RAB6B: variants seen among roughly 807,000 people sequenced by gnomAD.
RAB6B encodes RAB6B, member RAS oncogene family, also known as ras-related protein Rab-6B.
A neutral mutation model predicts 31.2 loss-of-function variants in RAB6B; 7 were observed. The observed-to-expected ratio is 0.22, with a 90% CI of 0.13 to 0.42. RAB6B has a LOEUF of 0.42. Ranked by LOEUF, RAB6B falls within the 10% of genes least tolerant of loss-of-function variation. The pLI is 1.00. For missense variants in RAB6B, 149 were observed against 280.6 expected, an observed-to-expected ratio of 0.53 and a Z score of 3.35; for synonymous variants, 105 against 104.9, an observed-to-expected ratio of 1.00 and a Z score of -0.01.
chr3:133,869,280 AGT>A (rs899681180), intron 1 of RAB6B, among the ~76,000 whole-genome samples: 7 of 152,238 alleles, frequency 4.6e-5, no homozygotes, highest in Admixed American at 6.5e-5. Flanking sequence ...GAAGCCAGAC[AGT>A]GTGTGAGGAA....
intron 1 of RAB6B, among the ~76,000 whole-genome samples, chr3:133,872,758 C>T (rs1447983320): frequency 1.3e-5 from 2 of 152,190 alleles, no homozygotes; most frequent in African/African-American, 4.8e-5. Context: ...CAAACCATCC[C>T]CCAAAAGACT....
chr3:133,883,141 T>G (rs1441474315), intron 1 of RAB6B, among the ~76,000 whole-genome samples: 2 of 152,106 alleles, frequency 1.3e-5, no homozygotes, highest in Non-Finnish European at 2.9e-5. Flanking sequence ...CCAGAGACAG[T>G]CTGGGAACTG....
intron 1 of RAB6B, among the ~76,000 whole-genome samples, chr3:133,876,550 C>A (rs1161034436): frequency 8.6e-5 from 13 of 151,654 alleles, no homozygotes; most frequent in Non-Finnish European, 1.9e-4. Context: ...AATTTGCTTA[C>A]AAAAAAAATC....
chr3:133,859,210 C>T (rs1023751810), intron 2 of RAB6B, among the ~76,000 whole-genome samples: 3 of 152,174 alleles, frequency 2.0e-5, no homozygotes, highest in African/African-American at 7.2e-5. Context: ...AATTCCTGGC[C>T]TCAAGCAATC....
At chr3:133,889,873 T>C (rs1172973663) in intron 1 of RAB6B, among the ~76,000 whole-genome samples, 1 of 152,240 alleles carries the variant, frequency 6.6e-6, no homozygotes. Context: ...AGTTTCTTTT[T>C]TCTTTGCTGG....
intron 2 of RAB6B, among the ~76,000 whole-genome samples, chr3:133,857,651 T>C (rs1339532694): frequency 1.3e-5 from 2 of 152,206 alleles, no homozygotes; most frequent in African/African-American, 4.8e-5. Context: ...TTTTTAGGGC[T>C]TTAGGAATCT....
At chr3:133,841,852 G>C (rs1935838139) in intron 2 of RAB6B, among the ~76,000 whole-genome samples, 189 bp from the exon 3 acceptor site, 1 of 152,214 alleles carries the variant, frequency 6.6e-6, no homozygotes, top group Non-Finnish European at 1.5e-5. Context: ...GGATCAAGCT[G>C]AGGAAAGATG....
intron 1 of RAB6B, 142 bp downstream of exon 1, chr3:133,895,255 C>A: frequency 1.1e-6 from 1 of 873,992 alleles, no homozygotes; most frequent in Non-Finnish European, 1.7e-6. Context: ...GACCCCGCCC[C>A]GACCTCCCCA....
At chr3:133,856,377 T>C (rs1346595462) in intron 2 of RAB6B, among the ~76,000 whole-genome samples, 2 of 152,040 alleles carry the variant, frequency 1.3e-5, no homozygotes, top group African/African-American at 2.4e-5. Flanking sequence ...CCATGGGTTC[T>C]CATCTTTGTA....
chr3:133,827,748 C>CCCCCCCA lies in RAB6B; in HGVS notation c.*1039_*1040insTGGGGGG. 6.3e-5 allele frequency: 1 copy of CCCCCCCA among 15,982 alleles called. No individual in the cohort carries two copies. The allele number at this position is 15,982 out of a possible 1,614,324, so 1.0% of individuals were successfully genotyped here. A position where few individuals can be genotyped will look rare whatever the true frequency, so the allele number is the denominator to read the frequency against. On this transcript the variant is annotated 3_prime_UTR_variant, in exon 8 of 8. Coordinates refer to ENST00000285208, the MANE Select transcript of RAB6B (RefSeq NM_016577.4). ...AAGGTGGTGGTTCTGCAGACAACAC[C>CCCCCCCA]CCCCCCCCCCCCCGCCTCCCCATCA...
At chr3:133,871,484 C>T (rs1022180739) in intron 1 of RAB6B, among the ~76,000 whole-genome samples, 2 of 152,238 alleles carry the variant, frequency 1.3e-5, no homozygotes, top group Non-Finnish European at 2.9e-5. Flanking sequence ...CATTTCTCCA[C>T]AGCTGCCACG....
chr3:133,867,107 C>G (rs1307873213), intron 1 of RAB6B, among the ~76,000 whole-genome samples: 1 of 152,226 alleles, frequency 6.6e-6, no homozygotes, highest in Non-Finnish European at 1.5e-5. Context: ...AGGTGCCTCT[C>G]CATGAGACAC....
intron 2 of RAB6B, among the ~76,000 whole-genome samples, chr3:133,847,160 C>T (rs1228489193): frequency 6.6e-6 from 1 of 152,234 alleles, no homozygotes; most frequent in African/African-American, 2.4e-5. Context: ...GCTTTAAATA[C>T]ATTACTTAAT....
chr3:133,841,971 C>G (rs1935842554), intron 2 of RAB6B, among the ~76,000 whole-genome samples: 1 of 152,210 alleles, frequency 6.6e-6, no homozygotes, highest in Non-Finnish European at 1.5e-5. Context: ...ACTCAGGCCA[C>G]TCAACGCACA....
chr3:133,879,003 C>A (rs555373510), intron 1 of RAB6B, among the ~76,000 whole-genome samples: 84 of 152,220 alleles, frequency 5.5e-4, no homozygotes, highest in African/African-American at 2.0e-3. Context: ...AAAGTCTGAC[C>A]GACCTGGGTT....
chr3:133,837,083 C>T (rs1935747307), intron 6 of RAB6B, among the ~76,000 whole-genome samples: 1 of 152,028 alleles, frequency 6.6e-6, no homozygotes, highest in Admixed American at 6.5e-5. Context: ...CCTCCCCATA[C>T]CTCGGGCACC....
chr3:133,843,899 C>A (rs1935872050), intron 2 of RAB6B, among the ~76,000 whole-genome samples: 1 of 152,166 alleles, frequency 6.6e-6, no homozygotes, highest in Non-Finnish European at 1.5e-5. Context: ...ACTCCCTGAC[C>A]CTGAGGAGCT....
chr3:133,852,475 CT>C lies in RAB6B; in HGVS notation c.130-10813del, dbSNP rs5852767. Among the ~76,000 whole-genome samples the C allele has an allele frequency of 9.6e-4, 136 of 142,338 alleles. 1 individual carries two copies. The highest frequency in any genetic ancestry group is 3.6e-3 in the Middle Eastern group (1 of 276). The allele number at this position is 142,338 out of a possible 152,430, so 93.4% of individuals were successfully genotyped here. A position where few individuals can be genotyped will look rare whatever the true frequency, so the allele number is the denominator to read the frequency against. On this transcript the variant is annotated intron_variant, in intron 2 of 7. Transcript: ENST00000285208. ...GAGAAACCCTGATTTTTTTCTTTTT[CT>C]TTTTTTTTTTTTGAGACAGGGTCTC...
In RAB6B at chr3:133,895,676, A is replaced by AGGCGGAGGAAGGCTGG. The variant is rs1936701938; in HGVS notation, c.-226_-211dup. ...GAGGAGGAGGAGGAGAGAGAGGCGGAGGCGGAGGAAGGCTGGGGCTGGGCT... is the reference window on the plus strand; with the variant it reads ...GAGGAGGAGGAGGAGAGAGAGGCGGAGGCGGAGGAAGGCTGGGGCGGAGGAAGGCTGGGGCTGGGCT... On this transcript the variant is annotated 5_prime_UTR_variant, in exon 1 of 8. Coordinates refer to ENST00000285208, the MANE Select transcript of RAB6B (RefSeq NM_016577.4). 3.4e-6 allele frequency: 2 copies of AGGCGGAGGAAGGCTGG among 581,346 alleles called. No homozygotes were observed. The highest frequency in any genetic ancestry group is 6.3e-5 in the Admixed American group (2 of 31,920). The allele number at this position is 581,346 out of a possible 1,614,324, so 36.0% of individuals were successfully genotyped here.
Sources: gnomAD v4.1 joint callset for allele counts (sites outside exome capture counted in the v4.1 genomes callset) on GRCh38, gnomAD v4.1.1 for gene constraint, MANE v1.5 for transcripts, NCBI Gene and HGNC (gene_info 2026-07-23, HGNC 2026-07-21) for gene names.